The following SYNE1 variants were observed in gnomAD, a reference collection of about 807,000 sequenced individuals.
The protein encoded by SYNE1 is nesprin-1.
Under a neutral mutation model 1,111.0 loss-of-function variants are expected in SYNE1, and 616 were observed. That is an observed-to-expected ratio of 0.55 (90% CI 0.52 to 0.59). SYNE1 has a LOEUF of 0.59. SYNE1 is among the 20% of genes least tolerant of loss of function. The pLI is 0.00. For synonymous variants in SYNE1, 3,855 were observed against 3,825.8 expected, an observed-to-expected ratio of 1.01 and a Z score of -0.28; for missense variants, 10,006 against 10,417.0, an observed-to-expected ratio of 0.96 and a Z score of 1.72.
At position 152,444,311 on chromosome 6, in the gene SYNE1, C is replaced by T; in HGVS notation, c.3837+100G>A. On this transcript the variant is annotated intron_variant, in intron 30 of 145. Transcript: ENST00000367255. ...AACTCTTCCTTCCCATGCCCCCTCA[C>T]CCACTCTCTCAAGCCAGTGGTTGTA... 4 of 1,346,168 alleles carry T rather than the reference C, an allele frequency of 3.0e-6. 1 individual carries two copies. The South Asian group carries it at 3.5e-5, about 12-fold the overall frequency. The allele number at this position is 1,346,168 out of a possible 1,614,324, so 83.4% of individuals were successfully genotyped here. A position where few individuals can be genotyped will look rare whatever the true frequency, so the allele number is the denominator to read the frequency against.
Position 152,310,887 on chromosome 6 carries a change from T to C in SYNE1, c.16711-14A>G, listed in dbSNP as rs2095525793. On this transcript the variant is annotated splice_polypyrimidine_tract_variant and intron_variant, in intron 87 of 145. Transcript: ENST00000367255. ...TTCTAGCAGGGTCTAGAGTGAATTG[T>C]CAATATTCATGACATTGACGGGCAG... The C allele has an allele frequency of 6.2e-7, 1 of 1,612,630 alleles. No homozygotes were observed.
intron 66 of SYNE1, among the ~76,000 whole-genome samples, chr6:152,355,686 T>A (rs768803163): frequency 6.6e-6 from 1 of 152,320 alleles, no homozygotes; most frequent in Non-Finnish European, 1.5e-5. Context: ...TAAAACAACA[T>A]GGCACACTTA....
intron 100 of SYNE1, 143 bp downstream of exon 100, chr6:152,267,913 G>T: frequency 1.3e-6 from 1 of 747,196 alleles, no homozygotes; most frequent in Non-Finnish European, 2.3e-6. Flanking sequence ...CAAAATGCAG[G>T]TACATTTACT....
Position 152,295,972 on chromosome 6 carries a change from T to C in SYNE1, c.17683-1845A>G, listed in dbSNP as rs182474640. On this transcript the variant is annotated intron_variant, in intron 93 of 145. Coordinates refer to ENST00000367255, the MANE Select transcript of SYNE1 (RefSeq NM_182961.4). ...TCACAATGTGACGGATCGTCACACGTGAATGCACTTGCACACACAGGCTCC... is the reference window on the plus strand; with the variant it reads ...TCACAATGTGACGGATCGTCACACGCGAATGCACTTGCACACACAGGCTCC... 6.8e-4 allele frequency among the ~76,000 whole-genome samples: 104 copies of C among 152,334 alleles called. 1 individual carries two copies. Among genetic ancestry groups the C allele is most frequent in the Admixed American group, 6.1e-3 (93 of 15,298 alleles).
chr6:152,177,761 T>G (rs6915135), intron 129 of SYNE1, among the ~76,000 whole-genome samples: 1 of 152,224 alleles, frequency 6.6e-6, no homozygotes, highest in Non-Finnish European at 1.5e-5. Flanking sequence ...TATTGAGAAG[T>G]GTTTCTTTCA....
At chr6:152,614,087 A>G (rs2099639378) in intron 3 of SYNE1, among the ~76,000 whole-genome samples, 1 of 152,262 alleles carries the variant, frequency 6.6e-6, no homozygotes. Context: ...CAAGGACTTC[A>G]TGACTAAAAC....
chr6:152,184,788 G>A (rs1348109863), intron 128 of SYNE1, among the ~76,000 whole-genome samples: 2 of 151,818 alleles, frequency 1.3e-5, no homozygotes, highest in African/African-American at 4.8e-5. Flanking sequence ...ACAAGCACTG[G>A]GTGCAAACCC....
At position 152,451,282 on chromosome 6, in the gene SYNE1, A is replaced by G. The variant is rs868574291; in HGVS notation, c.3028-77T>C. The stretch of plus-strand genomic sequence containing the variant: ...ACATTCCCAATTGAAGTGGCAAAAA[A>G]AAAAACAAAAACCATAACATATTCC... On this transcript the variant is annotated intron_variant, in intron 25 of 145. Coordinates refer to ENST00000367255, the MANE Select transcript of SYNE1 (RefSeq NM_182961.4). The G allele has an allele frequency of 1.9e-5, 28 of 1,491,364 alleles. No homozygotes were observed. In the Middle Eastern group the frequency reaches 1.6e-3, roughly 87 times the overall value. 92.4% of individuals were successfully genotyped at this position (1,491,364 alleles called of 1,614,324 possible). A position where few individuals can be genotyped will look rare whatever the true frequency, so the allele number is the denominator to read the frequency against.
intron 3 of SYNE1, among the ~76,000 whole-genome samples, chr6:152,621,858 C>T (rs1057029529): frequency 2.0e-5 from 3 of 152,166 alleles, no homozygotes; most frequent in Non-Finnish European, 4.4e-5. Flanking sequence ...ATCACTCATT[C>T]AGGCAAGATG....
At chr6:152,626,227 T>C (rs1182385592) in intron 3 of SYNE1, among the ~76,000 whole-genome samples, 1 of 152,192 alleles carries the variant, frequency 6.6e-6, no homozygotes, top group African/African-American at 2.4e-5. Context: ...AGGAACACAG[T>C]CTGATTCTGA....
chr6:152,128,625 C>A (rs1207894031), intron 145 of SYNE1: 2 of 152,246 alleles, frequency 1.3e-5, no homozygotes, highest in African/African-American at 4.8e-5. Context: ...TCAGTTTCTT[C>A]CAACTCAGTC....
At chr6:152,583,354 G>C (rs1464063873) in intron 3 of SYNE1, among the ~76,000 whole-genome samples, 4 of 152,092 alleles carry the variant, frequency 2.6e-5, no homozygotes, top group Non-Finnish European at 5.9e-5. Flanking sequence ...TGGGAGGACA[G>C]GCTTTGCAGT....
At chr6:152,207,455 C>A (rs754868309) in intron 125 of SYNE1, among the ~76,000 whole-genome samples, 3 of 152,008 alleles carry the variant, frequency 2.0e-5, no homozygotes, top group Admixed American at 6.6e-5. Flanking sequence ...GAGAAACGAA[C>A]GAAAGAACAG....
chr6:152,448,484 C>A (rs961118805), intron 28 of SYNE1, among the ~76,000 whole-genome samples: 2 of 152,108 alleles, frequency 1.3e-5, no homozygotes, highest in Non-Finnish European at 2.9e-5. Flanking sequence ...ATGTAGATAT[C>A]CTTCCATATG....
Position 152,262,178 on chromosome 6 carries a change from C to T in SYNE1, c.18826G>A (p.Asp6276Asn). ...ETSGDAGEKP[D>N]VLSQELGMEG... ...ATCCCCAACTCCTGGGATAACACATCAGGTTTTTCGCTATTAGAAGAATAA... is the reference window on the plus strand; with the variant it reads ...ATCCCCAACTCCTGGGATAACACATTAGGTTTTTCGCTATTAGAAGAATAA... Residue 6276 changes from aspartate (D) to asparagine (N), a missense_variant, in exon 101 of 146, where the codon GAT becomes AAT. By Grantham distance (23) the Asp-to-Asn change is conservative. Transcript: ENST00000367255. 6.2e-7 allele frequency: 1 copy of T among 1,613,730 alleles called. No individual in the cohort carries two copies. Among genetic ancestry groups the T allele is most frequent in the Non-Finnish European group, 8.5e-7 (1 of 1,179,886 alleles).
intron 4 of SYNE1, among the ~76,000 whole-genome samples, chr6:152,531,790 G>A (rs749527944): frequency 1.4e-4 from 21 of 152,054 alleles, no homozygotes; most frequent in Non-Finnish European, 2.4e-4. Context: ...TTATTATAAC[G>A]TCCTCAAGGT....
At chr6:152,463,224 C>T (rs1436619249) in intron 19 of SYNE1, 129 bp downstream of exon 19, 4 of 1,293,334 alleles carry the variant, frequency 3.1e-6, no homozygotes, top group South Asian at 1.3e-5. Context: ...TAAAACACAC[C>T]GGTTTTAAAC....
At position 152,236,699 on chromosome 6, in the gene SYNE1, T is replaced by C. The variant is rs1284217957; in HGVS notation, c.20199+118A>G. 4.8e-6 allele frequency: 6 copies of C among 1,255,516 alleles called. No homozygotes were observed. In the Admixed American group the frequency reaches 5.3e-5, roughly 11 times the overall value. The allele number at this position is 1,255,516 out of a possible 1,614,324, so 77.8% of individuals were successfully genotyped here. On this transcript the variant is annotated intron_variant, in intron 109 of 145. Transcript: ENST00000367255. The stretch of plus-strand genomic sequence containing the variant: ...ACAGAAACATTATCTCCTTTCAATG[T>C]CAATAACTTGAAAGAAAAGTAAAAG...
At chr6:152,481,453 A>G (rs745405780) in intron 14 of SYNE1, 7 of 322,168 alleles carry the variant, frequency 2.2e-5, no homozygotes, top group Non-Finnish European at 3.8e-5. Context: ...CAATTAAAAT[A>G]GTTTCATATG....
Sources: gnomAD v4.1 joint callset for allele counts (sites outside exome capture counted in the v4.1 genomes callset) on GRCh38, gnomAD v4.1.1 for gene constraint, MANE v1.5 for transcripts, NCBI Gene and HGNC (gene_info 2026-07-23, HGNC 2026-07-21) for gene names.